TUSC3: variants seen among roughly 807,000 people sequenced by gnomAD.
TUSC3 encodes the protein dolichyl-diphosphooligosaccharide--protein glycosyltransferase subunit TUSC3.
TUSC3 carries 45 observed loss-of-function variants against 44.8 expected under a neutral mutation model. The ratio of observed to expected loss-of-function variants is 1.00; its 90% CI spans 0.79 to 1.29. The LOEUF is 1.29. Ranked by LOEUF, TUSC3 falls within the 50% of genes most tolerant of loss-of-function variation. The probability of loss-of-function intolerance (pLI) is 0.00; values close to 1 mark genes in which losing one functional copy is unlikely to be tolerated. For synonymous variants in TUSC3, 212 were observed against 152.9 expected (o/e 1.39, Z -2.85); for missense variants, 519 against 437.9 (o/e 1.19, Z -1.65).
intron 7 of TUSC3, among the ~76,000 whole-genome samples, chr8:15,737,500 A>G (rs1810987581): frequency 6.6e-6 from 1 of 152,188 alleles, no homozygotes; most frequent in African/African-American, 2.4e-5. Context: ...GAAAATGATC[A>G]ACAGGATCAG....
At chr8:15,447,160 G>C (rs1230956837) in intron 1 of TUSC3, among the ~76,000 whole-genome samples, 1 of 151,912 alleles carries the variant, frequency 6.6e-6, no homozygotes, top group East Asian at 1.9e-4. Context: ...AAATTATAAA[G>C]AAAAATATCA....
chr8:15,846,126 C>T, the TUSC3 span, among the ~76,000 whole-genome samples: 1 of 152,152 alleles, frequency 6.6e-6, no homozygotes, highest in Non-Finnish European at 1.5e-5. Context: ...GTCCCTCCCA[C>T]AACATGTGGG....
intron 10 of TUSC3, among the ~76,000 whole-genome samples, chr8:15,759,671 C>T (rs1434558622): frequency 1.3e-5 from 2 of 152,142 alleles, no homozygotes; most frequent in South Asian, 2.1e-4. Flanking sequence ...TTGGAAACTT[C>T]ATACCCTGGA....
chr8:15,636,190 G>A (rs7820015), intron 2 of TUSC3, among the ~76,000 whole-genome samples: 152,181 of 152,238 alleles, frequency 1, 76,062 homozygotes, highest in Middle Eastern at 1. Context: ...ACAGCAGCCC[G>A]TTAAGCACAA....
chr8:15,591,184 G>T lies in TUSC3; in HGVS notation c.139-31896G>T, dbSNP rs374133048. Among the ~76,000 whole-genome samples the T allele has an allele frequency of 3.9e-5, 6 of 152,108 alleles. No individual in the cohort carries two copies. In the South Asian group the frequency reaches 1.2e-3, roughly 31 times the overall value. ...ATTTAAAAGTTGCCAAAAATGAACA[G>T]ATCATTCCTGGGTGTTTTTCAGCTT... On this transcript the variant is annotated intron_variant, in intron 1 of 10. Transcript: ENST00000503731.
At chr8:15,463,701 C>G (rs1370004661) in intron 1 of TUSC3, among the ~76,000 whole-genome samples, 1 of 152,070 alleles carries the variant, frequency 6.6e-6, no homozygotes, top group Admixed American at 6.6e-5. Flanking sequence ...TTTTCATTCA[C>G]CTGCATTAAA....
intron 2 of TUSC3, among the ~76,000 whole-genome samples, chr8:15,523,660 ATATATGTGTGTGTGTGTGTG>A (rs1327451411): frequency 1.8e-4 from 3 of 16,392 alleles, no homozygotes; most frequent in Admixed American, 8.8e-4. Flanking sequence ...ATATATATAT[ATATATGTGTGTGTGTGTGTG>A]TGTGTGTGTG....
intron 7 of TUSC3, among the ~76,000 whole-genome samples, chr8:15,737,468 C>T (rs1810985591): frequency 6.6e-6 from 1 of 151,986 alleles, no homozygotes; most frequent in Admixed American, 6.6e-5. Flanking sequence ...GGGATCATGT[C>T]AGTATTTTGA....
At chr8:15,504,138 A>C (rs1303049188) in intron 2 of TUSC3, among the ~76,000 whole-genome samples, 5 of 152,118 alleles carry the variant, frequency 3.3e-5, no homozygotes, top group Non-Finnish European at 7.4e-5. Flanking sequence ...CCATGAATAC[A>C]ATAGGGTAGA....
At chr8:15,788,362 C>G in the TUSC3 span, among the ~76,000 whole-genome samples, 1 of 152,134 alleles carries the variant, frequency 6.6e-6, no homozygotes, top group Non-Finnish European at 1.5e-5. Flanking sequence ...GCCTGGCCAA[C>G]ATGGGGAAAC....
At chr8:15,440,937 C>G (rs972961667) in intron 1 of TUSC3, among the ~76,000 whole-genome samples, 3 of 152,224 alleles carry the variant, frequency 2.0e-5, no homozygotes, top group Admixed American at 1.3e-4. Context: ...TGTTGATGGA[C>G]CAATTTCTAG....
chr8:15,783,925 G>A, the TUSC3 span, among the ~76,000 whole-genome samples: 2 of 152,164 alleles, frequency 1.3e-5, no homozygotes, highest in Admixed American at 1.3e-4. Context: ...CACAGATGGG[G>A]AGAAAATGTT....
At chr8:15,461,467 TATC>T (rs1800344063) in intron 1 of TUSC3, among the ~76,000 whole-genome samples, 1 of 152,100 alleles carries the variant, frequency 6.6e-6, no homozygotes, top group Non-Finnish European at 1.5e-5. Context: ...TGAGCGATCA[TATC>T]ATCAGCAAAC....
At chr8:15,577,958 C>T (rs1409839676) in intron 1 of TUSC3, among the ~76,000 whole-genome samples, 6 of 149,928 alleles carry the variant, frequency 4.0e-5, no homozygotes, top group Non-Finnish European at 8.9e-5. Context: ...ATGGAATGTT[C>T]TTCCATTTGT....
At chr8:15,592,176 C>T (rs1031862033) in intron 1 of TUSC3, among the ~76,000 whole-genome samples, 15 of 152,096 alleles carry the variant, frequency 9.9e-5, no homozygotes, top group Admixed American at 3.3e-4. Context: ...TAGTAAAATG[C>T]GAAAAAGTGG....
chr8:15,494,606 C>T lies in TUSC3; in HGVS notation n.189+11123C>T, dbSNP rs536927557. On this transcript the variant is annotated intron_variant and non_coding_transcript_variant, in intron 2 of 5. Transcript: ENST00000503191. Reference sequence around the variant, plus strand: ...TGCTGGGATTAGAGGCGTGAGCCACCGCACCTGGCCTCTCATTTTCTTATC... The same window carrying T: ...TGCTGGGATTAGAGGCGTGAGCCACTGCACCTGGCCTCTCATTTTCTTATC... Among the ~76,000 whole-genome samples the T allele has an allele frequency of 2.2e-4, 33 of 152,274 alleles. 1 individual carries two copies. The highest frequency in any genetic ancestry group is 1.2e-3 in the South Asian group (6 of 4,832).
chr8:15,466,366 A>G (rs898467593), intron 1 of TUSC3, among the ~76,000 whole-genome samples: 3 of 152,200 alleles, frequency 2.0e-5, no homozygotes, highest in African/African-American at 7.2e-5. Flanking sequence ...CAAAGCAATT[A>G]CATGACTTTC....
At chr8:15,733,796 A>G (rs1377472348) in intron 7 of TUSC3, among the ~76,000 whole-genome samples, 1 of 152,196 alleles carries the variant, frequency 6.6e-6, no homozygotes, top group African/African-American at 2.4e-5. Context: ...TCATGCCTGC[A>G]ATCCCAGCAC....
chr8:15,613,667 G>A (rs978034855), intron 1 of TUSC3, among the ~76,000 whole-genome samples: 3 of 152,034 alleles, frequency 2.0e-5, no homozygotes, highest in Admixed American at 1.3e-4. Flanking sequence ...ACCCAGTCTC[G>A]GGTATGTCTT....
Sources: gnomAD v4.1 joint callset for allele counts (sites outside exome capture counted in the v4.1 genomes callset) on GRCh38, gnomAD v4.1.1 for gene constraint, MANE v1.5 for transcripts, NCBI Gene and HGNC (gene_info 2026-07-23, HGNC 2026-07-21) for gene names.